MRPS27: variants seen among roughly 807,000 people sequenced by gnomAD.
MRPS27 encodes the protein small ribosomal subunit protein mS27.
A neutral mutation model predicts 48.9 loss-of-function variants in MRPS27; 43 were observed. The observed-to-expected ratio is 0.88, with a 90% CI of 0.69 to 1.13. The LOEUF (loss-of-function observed/expected upper bound fraction) is 1.13, where lower values mean the gene tolerates loss of function less well. Ranked by LOEUF, MRPS27 falls within the 50% of genes most tolerant of loss-of-function variation. MRPS27 has a pLI of 0.00. For synonymous variants in MRPS27, 188 were observed against 171.9 expected, an observed-to-expected ratio of 1.09 and a Z score of -0.73; for missense variants, 467 against 476.3, an observed-to-expected ratio of 0.98 and a Z score of 0.18.
At chr5:72,272,174 G>C (rs546478406) in intron 4 of MRPS27, among the ~76,000 whole-genome samples, 1 of 152,276 alleles carries the variant, frequency 6.6e-6, no homozygotes, top group East Asian at 1.9e-4. Context: ...TTAGGTCTGC[G>C]GTCTGTCTCT....
In MRPS27 at chr5:72,310,136, T is replaced by A. The variant is rs536908241; in HGVS notation, c.151+3945A>T. Among the ~76,000 whole-genome samples the A allele has an allele frequency of 3.3e-5, 5 of 152,338 alleles. No individual in the cohort carries two copies. In the South Asian group the frequency reaches 1.0e-3, roughly 32 times the overall value. ...CTCATTATCTGCAAAATATATATAG[T>A]ATATGTATATGCATATGTGTACATG... On this transcript the variant is annotated intron_variant, in intron 2 of 10. Coordinates refer to ENST00000261413, the MANE Select transcript of MRPS27 (RefSeq NM_015084.3).
rs568783129 is a variant in MRPS27 at position 72,254,133 on chromosome 5, G to C, written c.282-16005C>G. 3.9e-5 allele frequency among the ~76,000 whole-genome samples: 6 copies of C among 152,308 alleles called. 1 individual carries two copies. In the South Asian group the frequency reaches 1.0e-3, roughly 26 times the overall value. On this transcript the variant is annotated intron_variant, in intron 4 of 10. Coordinates refer to ENST00000261413, the MANE Select transcript of MRPS27 (RefSeq NM_015084.3). ...ATACTCATAAAATCTTCTTTGCTCT[G>C]ATGATTTTTCAAAAAGCTAAGTTTT... is the stretch of plus-strand genomic sequence containing the variant.
chr5:72,308,286 G>A (rs1349311480), intron 2 of MRPS27, among the ~76,000 whole-genome samples: 4 of 152,190 alleles, frequency 2.6e-5, no homozygotes, highest in Non-Finnish European at 5.9e-5. Flanking sequence ...CGTACTCCCC[G>A]GCAGGGCACG....
At chr5:72,291,602 GTT>G (rs1749821845) in intron 4 of MRPS27, among the ~76,000 whole-genome samples, 1 of 152,238 alleles carries the variant, frequency 6.6e-6, no homozygotes, top group South Asian at 2.1e-4. Flanking sequence ...CACAGATGCT[GTT>G]AATATTATAG....
intron 4 of MRPS27, among the ~76,000 whole-genome samples, chr5:72,250,863 G>A (rs1290738847): frequency 1.3e-5 from 2 of 152,148 alleles, no homozygotes; most frequent in Non-Finnish European, 2.9e-5. Context: ...TAGTAGAGAG[G>A]TAGTTAAGAT....
intron 4 of MRPS27, among the ~76,000 whole-genome samples, chr5:72,269,942 C>T (rs1233814336): frequency 6.6e-6 from 1 of 152,044 alleles, no homozygotes; most frequent in African/African-American, 2.4e-5. Context: ...CCTGTAATCC[C>T]AGCACTTTGG....
Position 72,232,520 on chromosome 5 carries a change from C to T in MRPS27, c.514G>A (p.Ala172Thr). Residue 172 changes from alanine to threonine, a missense_variant, in exon 7 of 11, where the codon GCC becomes ACC. Transcript: ENST00000261413. ...SVVFEVMMQE[A>T]FEVPSTQLLS... The stretch of plus-strand genomic sequence containing the variant: ...AGTTGGGTGGAAGGCACTTCAAAGG[C>T]TTCTTGCATCATGACCTCAAAAACC... The T allele has an allele frequency of 1.2e-6, 2 of 1,612,596 alleles. No homozygotes were observed. Among genetic ancestry groups the T allele is most frequent in the Non-Finnish European group, 1.7e-6 (2 of 1,179,090 alleles).
chr5:72,272,486 T>C (rs538820551), intron 4 of MRPS27, among the ~76,000 whole-genome samples: 8 of 152,368 alleles, frequency 5.3e-5, no homozygotes, highest in African/African-American at 1.9e-4. Context: ...CCTTGGACAC[T>C]GAGTCTCTAA....
chr5:72,224,545 G>A (rs967955544), intron 9 of MRPS27, among the ~76,000 whole-genome samples: 3 of 152,140 alleles, frequency 2.0e-5, no homozygotes, highest in Non-Finnish European at 4.4e-5. Flanking sequence ...TGGGACAAAG[G>A]GATAGGCAAT....
At chr5:72,244,309 A>G (rs1048212939) in intron 4 of MRPS27, among the ~76,000 whole-genome samples, 2 of 152,168 alleles carry the variant, frequency 1.3e-5, no homozygotes, top group African/African-American at 4.8e-5. Context: ...TGAAATGAAG[A>G]TAGATAACAG....
In MRPS27 at chr5:72,220,720, G is replaced by T; in HGVS notation, c.*189C>A. 1.3e-6 allele frequency: 1 copy of T among 797,842 alleles called. No homozygotes were observed. Among genetic ancestry groups the T allele is most frequent in the Non-Finnish European group, 2.0e-6 (1 of 512,292 alleles). 49.4% of individuals were successfully genotyped at this position (797,842 alleles called of 1,614,324 possible). On this transcript the variant is annotated 3_prime_UTR_variant, in exon 11 of 11. Coordinates refer to ENST00000261413, the MANE Select transcript of MRPS27 (RefSeq NM_015084.3). ...ACTTCAGTCTGACCACTAGCCACCTGCATAGTTCCATAGCCCTTCTTGGCA... is the reference window on the plus strand; with the variant it reads ...ACTTCAGTCTGACCACTAGCCACCTTCATAGTTCCATAGCCCTTCTTGGCA...
intron 4 of MRPS27, among the ~76,000 whole-genome samples, chr5:72,277,373 A>G (rs1322971449): frequency 6.6e-6 from 1 of 152,162 alleles, no homozygotes; most frequent in African/African-American, 2.4e-5. Context: ...GTATATACCC[A>G]AAGGAATATA....
chr5:72,281,095 G>A (rs1489898038), intron 4 of MRPS27, among the ~76,000 whole-genome samples: 1 of 152,222 alleles, frequency 6.6e-6, no homozygotes, highest in Admixed American at 6.5e-5. Context: ...TGGTGCGGAT[G>A]GTTAGGGAAA....
chr5:72,234,113 T>C lies in MRPS27; in HGVS notation c.475+6A>G, dbSNP rs1014517642. ...ATAAACACTGAATCTGGGGTTAGTT[T>C]CTTACCTTTGTAATTTTCTTTCTTT... On this transcript the variant is annotated splice_donor_region_variant and intron_variant, in intron 6 of 10. Coordinates refer to ENST00000261413, the MANE Select transcript of MRPS27 (RefSeq NM_015084.3). The C allele has an allele frequency of 1.3e-6, 2 of 1,507,336 alleles. No individual in the cohort carries two copies. Among genetic ancestry groups the C allele is most frequent in the Non-Finnish European group, 1.8e-6 (2 of 1,131,546 alleles). The allele number at this position is 1,507,336 out of a possible 1,614,324, so 93.4% of individuals were successfully genotyped here. A position where few individuals can be genotyped will look rare whatever the true frequency, so the allele number is the denominator to read the frequency against.
At chr5:72,236,489 C>T (rs974783117) in intron 5 of MRPS27, among the ~76,000 whole-genome samples, 3 of 152,124 alleles carry the variant, frequency 2.0e-5, no homozygotes, top group Non-Finnish European at 2.9e-5. Flanking sequence ...TCTAGACCCT[C>T]CTAGTTTTGC....
intron 7 of MRPS27, among the ~76,000 whole-genome samples, chr5:72,230,372 TGTC>T (rs1748023631): frequency 6.6e-6 from 1 of 152,224 alleles, no homozygotes; most frequent in African/African-American, 2.4e-5. Flanking sequence ...TTAAAAGAGT[TGTC>T]TATACCTCTA....
chr5:72,258,073 G>A (rs1217755826), intron 4 of MRPS27, among the ~76,000 whole-genome samples: 2 of 129,196 alleles, frequency 1.5e-5, no homozygotes, highest in Non-Finnish European at 3.1e-5. Flanking sequence ...AACAGAGCGA[G>A]ACTCTGTCTC....
intron 4 of MRPS27, among the ~76,000 whole-genome samples, chr5:72,285,995 T>A (rs1398592754): frequency 6.6e-6 from 1 of 152,192 alleles, no homozygotes; most frequent in Non-Finnish European, 1.5e-5. Context: ...TTTATTTCCA[T>A]CTCAAATCCT....
intron 5 of MRPS27, among the ~76,000 whole-genome samples, chr5:72,237,439 C>A (rs562699596): frequency 7.2e-5 from 11 of 152,122 alleles, no homozygotes; most frequent in African/African-American, 2.7e-4. Flanking sequence ...ACATTATAGA[C>A]GTAATACCTT....
Sources: allele counts gnomAD v4.1 joint callset (sites outside exome capture counted in the v4.1 genomes callset), GRCh38; gene constraint gnomAD v4.1.1; transcripts MANE v1.5; gene names NCBI Gene and HGNC (gene_info 2026-07-23, HGNC 2026-07-21).